Variants in CDH1 observed in about 807,000 individuals in gnomAD.
The protein encoded by CDH1 is cadherin-1.
Under a neutral mutation model 84.5 loss-of-function variants are expected in CDH1, and 35 were observed. The observed-to-expected ratio is 0.41, with a 90% CI of 0.32 to 0.55. The LOEUF (loss-of-function observed/expected upper bound fraction) is 0.55, where lower values mean the gene tolerates loss of function less well. Ranked by LOEUF, CDH1 falls within the 20% of genes least tolerant of loss-of-function variation. CDH1 has a pLI of 0.19. For missense variants in CDH1, 994 were observed against 1,126.6 expected (o/e 0.88, Z 1.68); for synonymous variants, 417 against 439.0 (o/e 0.95, Z 0.63).
At chr16:68,745,543 A>ATATATATATATATATATATGTATAT (rs1282262419) in intron 2 of CDH1, among the ~76,000 whole-genome samples, 8 of 14,306 alleles carry the variant, frequency 5.6e-4, no homozygotes, top group African/African-American at 2.1e-3. Context: ...CAAAAAAAAA[A>ATATATATATATATATATATGTATAT]AAAAAAATAT....
In CDH1 at chr16:68,778,486, T is replaced by TGA. The variant is rs1170772955; in HGVS notation, c.164-23184_164-23183insGA. On this transcript the variant is annotated intron_variant, in intron 2 of 15. Coordinates refer to ENST00000261769, the MANE Select transcript of CDH1 (RefSeq NM_004360.5). ...AAGTAGAGCTCCAGTCCTGAGCTTT[T>TGA]AGTAAACAATTGTGAGCCCCAGTGA... is the stretch of plus-strand genomic sequence containing the variant. Among the ~76,000 whole-genome samples the TGA allele has an allele frequency of 2.0e-5, 3 of 152,352 alleles. No homozygotes were observed. The East Asian group carries it at 5.8e-4, about 29-fold the overall frequency.
At chr16:68,776,299 C>T in intron 2 of CDH1, among the ~76,000 whole-genome samples, 1 of 152,250 alleles carries the variant, frequency 6.6e-6, no homozygotes, top group South Asian at 2.1e-4. Flanking sequence ...TTTTAGATTT[C>T]TTTTAATGTA....
At chr16:68,749,094 C>T (rs1389082358) in intron 2 of CDH1, among the ~76,000 whole-genome samples, 1 of 152,196 alleles carries the variant, frequency 6.6e-6, no homozygotes, top group Non-Finnish European at 1.5e-5. Context: ...GCCTTGGCCT[C>T]CCAAAGTGCT....
intron 6 of CDH1, among the ~76,000 whole-genome samples, chr16:68,811,064 A>G (rs8059139): frequency 0.15 from 22,302 of 151,464 alleles, 3,218 homozygotes; most frequent in African/African-American, 0.37. Flanking sequence ...GCCCTAAACA[A>G]TCCCCCTTGG....
At chr16:68,784,812 T>A (rs1409519162) in intron 2 of CDH1, among the ~76,000 whole-genome samples, 1 of 152,126 alleles carries the variant, frequency 6.6e-6, no homozygotes, top group Non-Finnish European at 1.5e-5. Context: ...CATTCTTTTT[T>A]TTTTTTTAAC....
rs1960787715 is a variant in CDH1 at position 68,810,356 on chromosome 16, G to A, written c.832+15G>A. 1.9e-6 allele frequency: 3 copies of A among 1,612,680 alleles called. No individual in the cohort carries two copies. The highest frequency in any genetic ancestry group is 2.2e-5 in the South Asian group (2 of 91,030). On this transcript the variant is annotated intron_variant, in intron 6 of 15. Coordinates refer to ENST00000261769, the MANE Select transcript of CDH1 (RefSeq NM_004360.5). ...TGCTCTTCCAGGTATATCCACTAAT[G>A]AGAATCTGAATACTCAGAAAGACTC...
intron 2 of CDH1, among the ~76,000 whole-genome samples, chr16:68,777,356 A>G (rs1202762807): frequency 1.3e-5 from 2 of 152,164 alleles, no homozygotes; most frequent in South Asian, 2.1e-4. Flanking sequence ...AATGGAGACA[A>G]TAATAGTACC....
chr16:68,817,148 C>T (rs1049475979), intron 10 of CDH1, among the ~76,000 whole-genome samples: 1 of 152,186 alleles, frequency 6.6e-6, no homozygotes, highest in Non-Finnish European at 1.5e-5. Flanking sequence ...CCTTTGATTT[C>T]TTAGTTTCTC....
intron 12 of CDH1, 83 bp from the exon 13 acceptor site, chr16:68,823,316 T>G (rs574714927): frequency 1.0e-6 from 1 of 961,076 alleles, no homozygotes; most frequent in Non-Finnish European, 1.7e-6. Flanking sequence ...CGGGTGTCTT[T>G]AGTTCACTAG....
intron 9 of CDH1, 132 bp from the exon 10 acceptor site, chr16:68,815,383 C>A: frequency 8.6e-7 from 1 of 1,169,174 alleles, no homozygotes; most frequent in Non-Finnish European, 1.2e-6. Flanking sequence ...CATTGAAAGT[C>A]ATGGCAGAAA....
At chr16:68,764,399 A>C (rs1360535887) in intron 2 of CDH1, among the ~76,000 whole-genome samples, 1 of 152,192 alleles carries the variant, frequency 6.6e-6, no homozygotes, top group Admixed American at 6.5e-5. Flanking sequence ...CAACATGGCG[A>C]ATCCCCATCT....
chr16:68,750,040 G>A (rs1467766949), intron 2 of CDH1, among the ~76,000 whole-genome samples: 1 of 151,236 alleles, frequency 6.6e-6, no homozygotes, highest in Non-Finnish European at 1.5e-5. Flanking sequence ...TTGAACTCCT[G>A]GGCTCAAGCA....
intron 15 of CDH1, among the ~76,000 whole-genome samples, chr16:68,831,512 C>T (rs1961483982): frequency 6.6e-6 from 1 of 150,740 alleles, no homozygotes; most frequent in Non-Finnish European, 1.5e-5. Flanking sequence ...CCAGTTTAAC[C>T]ATGCCTTTTA....
chr16:68,754,995 A>G (rs555296193), intron 2 of CDH1, among the ~76,000 whole-genome samples: 1 of 152,234 alleles, frequency 6.6e-6, no homozygotes, highest in African/African-American at 2.4e-5. Flanking sequence ...TAGATGTTAG[A>G]ACTGGACTGT....
At chr16:68,824,104 T>C (rs972561335) in intron 13 of CDH1, among the ~76,000 whole-genome samples, 9 of 150,224 alleles carry the variant, frequency 6.0e-5, no homozygotes, top group Non-Finnish European at 1.3e-4. Context: ...TTCAAGCGAT[T>C]CTCCCGCCTC....
At chr16:68,831,095 T>TC (rs1961471838) in intron 15 of CDH1, among the ~76,000 whole-genome samples, 1 of 136,840 alleles carries the variant, frequency 7.3e-6, no homozygotes, top group African/African-American at 3.0e-5. Flanking sequence ...TTTTTTTTTT[T>TC]TGAGACAGAG....
chr16:68,810,375 A>C, intron 6 of CDH1, 34 bp downstream of exon 6: 1 of 1,605,478 alleles, frequency 6.2e-7, no homozygotes, highest in Non-Finnish European at 8.5e-7. Flanking sequence ...AATACTCAGA[A>C]AGACTCTTAG....
chr16:68,798,194 G>A (rs1960413020), intron 2 of CDH1, among the ~76,000 whole-genome samples: 2 of 152,124 alleles, frequency 1.3e-5, no homozygotes, highest in South Asian at 2.1e-4. Context: ...TATGAAAGGT[G>A]GGCATACTGG....
chr16:68,808,139 C>G (rs1311340353), intron 3 of CDH1, among the ~76,000 whole-genome samples: 1 of 152,090 alleles, frequency 6.6e-6, no homozygotes, highest in Non-Finnish European at 1.5e-5. Context: ...AACCCTGAAA[C>G]CAATACTTGT....
Sources: gnomAD v4.1 joint callset for allele counts (sites outside exome capture counted in the v4.1 genomes callset) on GRCh38, gnomAD v4.1.1 for gene constraint, MANE v1.5 for transcripts, NCBI Gene and HGNC (gene_info 2026-07-23, HGNC 2026-07-21) for gene names.